The following FMN1 variants were observed in gnomAD, a reference collection of about 807,000 sequenced individuals.
FMN1 encodes formin 1, also known as formin-1.
FMN1 carries 110 observed loss-of-function variants against 132.4 expected under a neutral mutation model. The observed-to-expected ratio is 0.83, with a 90% CI of 0.71 to 0.97. FMN1 has a LOEUF of 0.97. FMN1 is among the 50% of genes least tolerant of loss of function. The pLI, the probability that FMN1 is intolerant of heterozygous loss-of-function variation, is 0.00. For synonymous variants in FMN1, 722 were observed against 651.7 expected (o/e 1.11, Z -1.64); for missense variants, 1,792 against 1,705.3 (o/e 1.05, Z -0.90).
rs561206415 is a variant in FMN1 at position 32,894,194 on chromosome 15, A to T, written c.3714+4640T>A. On this transcript the variant is annotated intron_variant, in intron 15 of 20. Transcript: ENST00000616417. ...ACACCTGTATTACAGGCAGTAAAAAAGAGACAATGGCCAGGTATGGTGGCT... is the reference window on the plus strand; with the variant it reads ...ACACCTGTATTACAGGCAGTAAAAATGAGACAATGGCCAGGTATGGTGGCT... Among the ~76,000 whole-genome samples, 397 of 152,320 alleles carry T rather than the reference A, an allele frequency of 2.6e-3. 2 individuals are homozygous for T. The highest frequency in any genetic ancestry group is 9.3e-3 in the African/African-American group (386 of 41,574).
chr15:33,026,096 TACAC>T (rs58334971), intron 6 of FMN1, among the ~76,000 whole-genome samples: 43,862 of 144,236 alleles, frequency 0.3, 6,485 homozygotes, highest in Admixed American at 0.39. Context: ...TGCTTAGGCA[TACAC>T]ACACACACAC....
chr15:32,975,063 G>A (rs972542809), intron 7 of FMN1, among the ~76,000 whole-genome samples: 6 of 152,068 alleles, frequency 3.9e-5, no homozygotes, highest in Admixed American at 2.0e-4. Flanking sequence ...TTTCACACAT[G>A]CTGTTTCATC....
chr15:33,082,855 A>AC (rs137899641), intron 5 of FMN1, among the ~76,000 whole-genome samples: 10,882 of 152,114 alleles, frequency 0.072, 1,321 homozygotes, highest in African/African-American at 0.25. Flanking sequence ...AATATAGGAT[A>AC]CCCAGTTAAA....
intron 4 of FMN1, among the ~76,000 whole-genome samples, chr15:33,102,796 G>A (rs566657133): frequency 7.9e-5 from 12 of 152,140 alleles, no homozygotes; most frequent in African/African-American, 2.9e-4. Flanking sequence ...ATTTCCACAA[G>A]ATGAAAATTT....
chr15:33,114,897 G>C (rs1444129270), intron 4 of FMN1, among the ~76,000 whole-genome samples: 2 of 148,810 alleles, frequency 1.3e-5, no homozygotes, highest in African/African-American at 4.9e-5. Context: ...AAAGATGCAA[G>C]CATCTCTACG....
At position 33,154,215 on chromosome 15, in the gene FMN1, C is replaced by T. The variant is rs1421910196; in HGVS notation, c.700G>A (p.Glu234Lys). ...TTGGGAATATCTGGGGGGCAGCTCT[C>T]TCTCCTCTGCAGGGAGCAGGCAAGT... The part of the protein sequence containing the change: ...GALACSLQRR[E>K]SCPPDIPKTP... The change falls in exon 4 of 21, where the codon GAG becomes AAG. Residue 234 changes from glutamate (E) to lysine (K), a missense_variant. Transcript: ENST00000616417. The T allele has an allele frequency of 2.0e-6, 3 of 1,536,312 alleles. No homozygotes were observed. Among genetic ancestry groups the T allele is most frequent in the Non-Finnish European group, 2.6e-6 (3 of 1,146,970 alleles).
chr15:33,150,951 T>G (rs1485405124), intron 4 of FMN1: 1 of 1,049,606 alleles, frequency 9.5e-7, no homozygotes, highest in Admixed American at 4.8e-5. Flanking sequence ...TGAGCCCTCT[T>G]CTGGGTTTAG....
In FMN1 at chr15:32,798,967, G is replaced by C. The variant is rs544968287; in HGVS notation, c.3981-14C>G. 3.7e-6 allele frequency: 6 copies of C among 1,611,788 alleles called. No individual in the cohort carries two copies. The highest frequency in any genetic ancestry group is 2.2e-5 in the East Asian group (1 of 44,842). On this transcript the variant is annotated splice_polypyrimidine_tract_variant and intron_variant, in intron 18 of 20. Transcript: ENST00000616417. ...GTTGTTTCAAAACTGCAACAGGTAG[G>C]GGGGAAAATGGAATGAGGTAGAGGT...
At chr15:32,923,462 C>T (rs896441349) in intron 10 of FMN1, among the ~76,000 whole-genome samples, 3 of 152,092 alleles carry the variant, frequency 2.0e-5, no homozygotes, top group African/African-American at 4.8e-5. Context: ...CATTACTAAA[C>T]GAAGAAATGG....
intron 3 of FMN1, among the ~76,000 whole-genome samples, chr15:33,162,333 T>C (rs1490690538): frequency 6.6e-6 from 1 of 151,672 alleles, no homozygotes; most frequent in Non-Finnish European, 1.5e-5. Flanking sequence ...ACCTCCACAC[T>C]GTAGGAGTAA....
chr15:33,032,066 C>T (rs998866038), intron 6 of FMN1, among the ~76,000 whole-genome samples: 11 of 152,284 alleles, frequency 7.2e-5, no homozygotes, highest in East Asian at 1.9e-4. Context: ...TAACAGTTAT[C>T]GTATGTGTTC....
intron 17 of FMN1, among the ~76,000 whole-genome samples, chr15:32,845,645 G>A (rs1272739085): frequency 1.3e-5 from 2 of 151,974 alleles, no homozygotes; most frequent in East Asian, 1.9e-4. Context: ...GGAAAGTTAG[G>A]AATGAAAAAA....
chr15:33,178,023 A>G (rs748564467), intron 3 of FMN1, among the ~76,000 whole-genome samples: 1 of 152,164 alleles, frequency 6.6e-6, no homozygotes, highest in Non-Finnish European at 1.5e-5. Context: ...AAGAAAAGAA[A>G]TGTAAATATG....
intron 4 of FMN1, among the ~76,000 whole-genome samples, chr15:33,106,888 C>A (rs2039508303): frequency 6.6e-6 from 1 of 152,030 alleles, no homozygotes; most frequent in Admixed American, 6.6e-5. Flanking sequence ...TCTCTGTCTT[C>A]ATTCACTCCA....
intron 4 of FMN1, among the ~76,000 whole-genome samples, chr15:33,134,407 T>G (rs565586704): frequency 6.6e-5 from 10 of 152,166 alleles, no homozygotes; most frequent in Non-Finnish European, 1.2e-4. Context: ...CACCCCAAAT[T>G]ACCCAGTGAA....
intron 4 of FMN1, among the ~76,000 whole-genome samples, chr15:33,144,433 A>G (rs568210206): frequency 4.6e-4 from 70 of 152,190 alleles, no homozygotes; most frequent in Middle Eastern, 6.8e-3. Context: ...TCAGGAGATC[A>G]AGACCATCCT....
intron 17 of FMN1, among the ~76,000 whole-genome samples, chr15:32,831,151 A>G (rs1306885794): frequency 6.6e-6 from 1 of 152,120 alleles, no homozygotes; most frequent in East Asian, 1.9e-4. Context: ...TTTTTATTCA[A>G]TGAGAAATGA....
At chr15:33,058,206 A>C (rs2037323290) in intron 6 of FMN1, among the ~76,000 whole-genome samples, 1 of 152,132 alleles carries the variant, frequency 6.6e-6, no homozygotes, top group African/African-American at 2.4e-5. Flanking sequence ...CAATAGATGG[A>C]GATTTGCAGA....
intron 6 of FMN1, among the ~76,000 whole-genome samples, chr15:33,020,839 A>G (rs2035380777): frequency 6.6e-6 from 1 of 152,220 alleles, no homozygotes. Context: ...TTAGCCCTTT[A>G]AGCCTGTGTT....
Sources: allele counts gnomAD v4.1 joint callset (sites outside exome capture counted in the v4.1 genomes callset), GRCh38; gene constraint gnomAD v4.1.1; transcripts MANE v1.5; gene names NCBI Gene and HGNC (gene_info 2026-07-23, HGNC 2026-07-21).